Variants in GPR176 observed in about 807,000 individuals in gnomAD.
The protein encoded by GPR176 is G protein-coupled receptor 176, also known as G-protein coupled receptor 176.
A neutral mutation model predicts 35.4 loss-of-function variants in GPR176; 26 were observed. The ratio of observed to expected loss-of-function variants is 0.74; its 90% CI spans 0.54 to 1.02. GPR176 has a LOEUF of 1.02. Among genes scored for constraint, GPR176 ranks in the 50% least tolerant of loss-of-function variants. The pLI, the probability that GPR176 is intolerant of heterozygous loss-of-function variation, is 0.00. For synonymous variants in GPR176, 278 were observed against 271.3 expected (o/e 1.02, Z -0.24); for missense variants, 597 against 665.3 (o/e 0.90, Z 1.13).
intron 1 of GPR176, among the ~76,000 whole-genome samples, chr15:39,829,651 G>A (rs114641306): frequency 2.0e-5 from 3 of 151,798 alleles, no homozygotes; most frequent in African/African-American, 4.8e-5. Context: ...CCACCTGAAC[G>A]CCTGGTTATC....
intron 1 of GPR176, among the ~76,000 whole-genome samples, chr15:39,853,488 A>G (rs745511776): frequency 2.6e-5 from 4 of 152,250 alleles, no homozygotes; most frequent in African/African-American, 4.8e-5. Context: ...TTAGCTGCAC[A>G]ACAATGCGCA....
At chr15:39,893,184 GAGGGA>G (rs1355012892) in intron 1 of GPR176, among the ~76,000 whole-genome samples, 2 of 152,044 alleles carry the variant, frequency 1.3e-5, no homozygotes, top group African/African-American at 4.8e-5. Flanking sequence ...GACAATAGTG[GAGGGA>G]AGGTCAGCAG....
At chr15:39,915,610 C>T (rs892971084) in intron 1 of GPR176, among the ~76,000 whole-genome samples, 2 of 152,216 alleles carry the variant, frequency 1.3e-5, no homozygotes, top group African/African-American at 4.8e-5. Flanking sequence ...CGCAGTGGCT[C>T]ACTCCTGTAA....
chr15:39,846,352 A>C (rs2030426474), intron 1 of GPR176, among the ~76,000 whole-genome samples: 1 of 152,184 alleles, frequency 6.6e-6, no homozygotes, highest in Non-Finnish European at 1.5e-5. Context: ...TTTATAGTTT[A>C]ACTTTGAAGA....
chr15:39,846,438 T>A (rs1345832919), intron 1 of GPR176, among the ~76,000 whole-genome samples: 1 of 152,192 alleles, frequency 6.6e-6, no homozygotes, highest in Non-Finnish European at 1.5e-5. Context: ...CTCTTCCATA[T>A]CAACAGAGGC....
intron 1 of GPR176, among the ~76,000 whole-genome samples, chr15:39,842,633 T>C (rs1001182467): frequency 6.6e-6 from 1 of 151,944 alleles, no homozygotes; most frequent in Non-Finnish European, 1.5e-5. Flanking sequence ...AGAGACACAG[T>C]GAAAAGACAT....
At chr15:39,817,783 C>A (rs946108334) in intron 1 of GPR176, among the ~76,000 whole-genome samples, 1 of 152,038 alleles carries the variant, frequency 6.6e-6, no homozygotes, top group Non-Finnish European at 1.5e-5. Flanking sequence ...CTGGAGAGTT[C>A]AAAAAAAGGC....
chr15:39,878,293 CT>C (rs1566960215), intron 1 of GPR176, among the ~76,000 whole-genome samples: 1 of 152,160 alleles, frequency 6.6e-6, no homozygotes, highest in African/African-American at 2.4e-5. Flanking sequence ...TCTCCCACCC[CT>C]GACAGCCATC....
chr15:39,872,508 G>A (rs1467483005), intron 1 of GPR176, among the ~76,000 whole-genome samples: 1 of 152,188 alleles, frequency 6.6e-6, no homozygotes, highest in Non-Finnish European at 1.5e-5. Context: ...TACCAGGAAA[G>A]GACTTCACTG....
chr15:39,836,575 T>C (rs112863936), intron 1 of GPR176, among the ~76,000 whole-genome samples: 1,615 of 152,282 alleles, frequency 0.011, 32 homozygotes, highest in African/African-American at 0.037. Flanking sequence ...TATTCCTTTA[T>C]AGCAACATAA....
At chr15:39,882,924 A>G (rs1486507548) in intron 1 of GPR176, among the ~76,000 whole-genome samples, 1 of 152,204 alleles carries the variant, frequency 6.6e-6, no homozygotes, top group Non-Finnish European at 1.5e-5. Context: ...CCATAGCTTC[A>G]AGTGGCAAAT....
intron 1 of GPR176, among the ~76,000 whole-genome samples, chr15:39,889,815 A>G (rs1000953431): frequency 1.3e-5 from 2 of 152,128 alleles, no homozygotes; most frequent in Non-Finnish European, 2.9e-5. Context: ...GTGCTTAGTA[A>G]ATATTTGTAG....
chr15:39,859,594 T>C (rs949621486), intron 1 of GPR176, among the ~76,000 whole-genome samples: 1 of 152,144 alleles, frequency 6.6e-6, no homozygotes, highest in Non-Finnish European at 1.5e-5. Flanking sequence ...CAAGCTGCTA[T>C]GGAAAACAGT....
At chr15:39,896,215 C>T (rs2140866206) in intron 1 of GPR176, among the ~76,000 whole-genome samples, 1 of 149,202 alleles carries the variant, frequency 6.7e-6, no homozygotes, top group East Asian at 1.9e-4. Context: ...TATGCCACCA[C>T]ACCCAGCTAG....
intron 1 of GPR176, among the ~76,000 whole-genome samples, chr15:39,904,152 T>C (rs2033357754): frequency 6.6e-6 from 1 of 152,198 alleles, no homozygotes; most frequent in African/African-American, 2.4e-5. Flanking sequence ...TGGTGGGTTT[T>C]GGCTGGCTTT....
chr15:39,842,596 AG>A (rs2030087632), intron 1 of GPR176, among the ~76,000 whole-genome samples: 1 of 152,044 alleles, frequency 6.6e-6, no homozygotes, highest in Admixed American at 6.6e-5. Context: ...GAAGCCCAAA[AG>A]GGGTCCCTTC....
intron 1 of GPR176, among the ~76,000 whole-genome samples, chr15:39,911,799 A>T (rs1454499206): frequency 6.6e-6 from 1 of 152,188 alleles, no homozygotes; most frequent in Non-Finnish European, 1.5e-5. Flanking sequence ...TAGCTTCATG[A>T]TACAATTTTA....
intron 1 of GPR176, among the ~76,000 whole-genome samples, chr15:39,871,742 C>G (rs1320184434): frequency 1.3e-5 from 2 of 152,206 alleles, no homozygotes; most frequent in Non-Finnish European, 2.9e-5. Flanking sequence ...CTTTTCCACC[C>G]ATGCAGGTGA....
intron 1 of GPR176, among the ~76,000 whole-genome samples, chr15:39,818,985 A>G (rs1171703735): frequency 6.6e-6 from 1 of 152,238 alleles, no homozygotes. Context: ...CTGAAAAGCT[A>G]TAGCAAGAGC....
Sources: allele counts gnomAD v4.1 joint callset (sites outside exome capture counted in the v4.1 genomes callset), GRCh38; gene constraint gnomAD v4.1.1; transcripts MANE v1.5; gene names NCBI Gene and HGNC (gene_info 2026-07-23, HGNC 2026-07-21).